The following CAST variants were observed in gnomAD, a reference collection of about 807,000 sequenced individuals.
The protein encoded by CAST is MIR583 host.
A neutral mutation model predicts 119.6 loss-of-function variants in CAST; 76 were observed. The observed-to-expected ratio is 0.64, with a 90% CI of 0.53 to 0.77. The LOEUF (loss-of-function observed/expected upper bound fraction) is 0.77. Ranked by LOEUF, CAST falls within the 30% of genes least tolerant of loss-of-function variation. The pLI, the probability that CAST is intolerant of heterozygous loss-of-function variation, is 0.00. For synonymous variants in CAST, 319 were observed against 331.6 expected, an observed-to-expected ratio of 0.96 and a Z score of 0.41; for missense variants, 953 against 946.5, an observed-to-expected ratio of 1.01 and a Z score of -0.09.
chr5:96,207,155 T>A, the CAST span, among the ~76,000 whole-genome samples: 2 of 152,162 alleles, frequency 1.3e-5, no homozygotes, highest in Admixed American at 1.3e-4. Flanking sequence ...TGATTTTGTA[T>A]CCTGAAACTT....
chr5:96,008,042 G>A, the CAST span, among the ~76,000 whole-genome samples: 1 of 151,578 alleles, frequency 6.6e-6, no homozygotes, highest in Non-Finnish European at 1.5e-5. Flanking sequence ...GCCAGAAAGA[G>A]GGCCTTCACC....
chr5:96,018,739 T>C, the CAST span, among the ~76,000 whole-genome samples: 2 of 152,206 alleles, frequency 1.3e-5, no homozygotes, highest in African/African-American at 2.4e-5. Flanking sequence ...TTGGTAAGTG[T>C]ACATTGCTAT....
At chr5:96,154,316 T>A in the CAST span, among the ~76,000 whole-genome samples, 1 of 151,486 alleles carries the variant, frequency 6.6e-6, no homozygotes, top group Non-Finnish European at 1.5e-5. Flanking sequence ...AAAAACATAA[T>A]GAATGAATAT....
chr5:95,963,431 G>A, the CAST span, among the ~76,000 whole-genome samples: 4 of 152,228 alleles, frequency 2.6e-5, no homozygotes, highest in African/African-American at 9.6e-5. Context: ...CAGGAAAACA[G>A]TTTGTAAATT....
the CAST span, among the ~76,000 whole-genome samples, chr5:96,270,702 A>C: frequency 6.6e-6 from 1 of 152,016 alleles, no homozygotes; most frequent in African/African-American, 2.4e-5. Flanking sequence ...ACTGGGGCCT[A>C]TCCGAGGGGG....
At chr5:96,593,487 C>A (rs575695245) in intron 1 of CAST, among the ~76,000 whole-genome samples, 1 of 152,252 alleles carries the variant, frequency 6.6e-6, no homozygotes, top group South Asian at 2.1e-4. Flanking sequence ...TTGAAATTCT[C>A]AATAATTTTA....
intron 1 of CAST, among the ~76,000 whole-genome samples, chr5:96,643,953 G>A (rs534504755): frequency 6.6e-6 from 1 of 152,180 alleles, no homozygotes; most frequent in South Asian, 2.1e-4. Context: ...GGAGACTGAG[G>A]CAGAATTGCT....
chr5:95,988,658 A>G, the CAST span, among the ~76,000 whole-genome samples: 2 of 152,170 alleles, frequency 1.3e-5, no homozygotes. Flanking sequence ...GCTATAGCTA[A>G]CTGATGTTGG....
intron 3 of CAST, among the ~76,000 whole-genome samples, chr5:96,711,850 G>A (rs748985317): frequency 2.6e-5 from 4 of 152,228 alleles, no homozygotes; most frequent in Non-Finnish European, 4.4e-5. Context: ...CCACTTGTCT[G>A]AAAGAGAGTA....
chr5:96,523,162 C>A (rs903389281), upstream of CAST, among the ~76,000 whole-genome samples: 1 of 152,210 alleles, frequency 6.6e-6, no homozygotes, highest in Non-Finnish European at 1.5e-5. Context: ...GCCTTGAAAG[C>A]TTTCCTCACC....
chr5:96,581,752 G>A (rs1375036475), intron 1 of CAST, among the ~76,000 whole-genome samples: 4 of 152,096 alleles, frequency 2.6e-5, no homozygotes, highest in African/African-American at 7.2e-5. Context: ...TTAGCTGGAC[G>A]TGGTGGCGGG....
chr5:96,261,534 G>A, the CAST span, among the ~76,000 whole-genome samples: 1 of 152,154 alleles, frequency 6.6e-6, no homozygotes. Flanking sequence ...CCCAAGAGCA[G>A]GATTTACAGT....
At chr5:96,626,466 C>A (rs1747725873) in intron 1 of CAST, among the ~76,000 whole-genome samples, 1 of 152,152 alleles carries the variant, frequency 6.6e-6, no homozygotes, top group Non-Finnish European at 1.5e-5. Context: ...TTCCTCCTGC[C>A]CTCCCTCTTC....
chr5:96,334,480 G>C, the CAST span, among the ~76,000 whole-genome samples: 1 of 152,160 alleles, frequency 6.6e-6, no homozygotes. Flanking sequence ...CACCATCGGA[G>C]GTTCTGCCAT....
intron 4 of CAST, among the ~76,000 whole-genome samples, chr5:96,724,477 C>T (rs146971598): frequency 7.0e-4 from 106 of 152,196 alleles, no homozygotes; most frequent in African/African-American, 2.3e-3. Flanking sequence ...GCCACTGTGT[C>T]CAGCCTAAAA....
intron 3 of CAST, among the ~76,000 whole-genome samples, chr5:96,706,247 G>A (rs1197682923): frequency 6.6e-6 from 1 of 152,126 alleles, no homozygotes; most frequent in Non-Finnish European, 1.5e-5. Flanking sequence ...ATCTCTTTGT[G>A]CTTTGGCTAA....
At chr5:96,684,074 A>G (rs552182738) in intron 2 of CAST, among the ~76,000 whole-genome samples, 6 of 152,266 alleles carry the variant, frequency 3.9e-5, no homozygotes, top group African/African-American at 1.4e-4. Flanking sequence ...TTAGGGTCCA[A>G]TGCCTGGATT....
At chr5:96,291,843 C>CGTGT in the CAST span, among the ~76,000 whole-genome samples, 34,380 of 132,684 alleles carry the variant, frequency 0.26, 3,983 homozygotes, top group South Asian at 0.3. Context: ...TCCCAGTCTG[C>CGTGT]GTGTGTGTGT....
At chr5:96,551,567 A>G (rs952027708) in intron 1 of CAST, among the ~76,000 whole-genome samples, 2 of 152,206 alleles carry the variant, frequency 1.3e-5, no homozygotes, top group Admixed American at 6.5e-5. Context: ...CACACATAAC[A>G]ATATTAACCT....
Sources: allele counts gnomAD v4.1 joint callset (sites outside exome capture counted in the v4.1 genomes callset), GRCh38; gene constraint gnomAD v4.1.1; transcripts MANE v1.5; gene names NCBI Gene and HGNC (gene_info 2026-07-23, HGNC 2026-07-21).